Variants in PRR5 observed in about 807,000 individuals in gnomAD.
The protein encoded by PRR5 is proline-rich protein 5.
In PRR5, 25 loss-of-function variants were observed where a neutral mutation model predicts 30.6. The ratio of observed to expected loss-of-function variants is 0.82; its 90% confidence interval spans 0.60 to 1.14. The LOEUF (loss-of-function observed/expected upper bound fraction) is 1.14, where lower values mean the gene tolerates loss of function less well. Among genes scored for constraint, PRR5 ranks in the 50% most tolerant of loss-of-function variants. The pLI is 0.00. For synonymous variants in PRR5, 286 were observed against 247.1 expected (o/e 1.16, Z -1.48); for missense variants, 600 against 547.1 (o/e 1.10, Z -0.96).
chr22:44,686,098 C>A (rs977777370), intron 1 of PRR5, among the ~76,000 whole-genome samples: 1 of 152,058 alleles, frequency 6.6e-6, no homozygotes, highest in African/African-American at 2.4e-5. Flanking sequence ...ACTAAAAGTA[C>A]AAACATTAGC....
At chr22:44,679,605 G>A in intron 1 of PRR5, 1 of 495,624 alleles carries the variant, frequency 2.0e-6, no homozygotes, top group African/African-American at 1.9e-5. Context: ...TACTCGGGAG[G>A]CTGAGGGAGG....
At position 44,736,863 on chromosome 22, in the gene PRR5, C is replaced by T; in HGVS notation, c.783C>T (p.Asn261=). Residue 261 remains asparagine, a synonymous_variant, in exon 8 of 8, where the codon AAC becomes AAT. Coordinates refer to ENST00000336985, the MANE Select transcript of PRR5 (RefSeq NM_181333.4). ...AGAGCTACAACACGCCTCTGCTGAA[C>T]CCCGTGCAGGAGCACGAGGCGGAGG... The part of the protein sequence containing the change: ...RSKSYNTPLL[N]PVQEHEAEGA... The T allele has an allele frequency of 6.2e-7, 1 of 1,609,286 alleles. No homozygotes were observed. The highest frequency in any genetic ancestry group is 8.5e-7 in the Non-Finnish European group (1 of 1,177,830).
rs541441071 is a variant in PRR5, at chr22:44,715,296, A to C, written c.215+625A>C. On this transcript the variant is annotated intron_variant, in intron 2 of 7. Coordinates refer to ENST00000336985, the MANE Select transcript of PRR5 (RefSeq NM_181333.4). ...CCCAGATCACACAGCTGCTCCAAGG[A>C]GGCAGTTCCCAGCTCTGTGCTATTT... is the stretch of plus-strand genomic sequence containing the variant. Among the ~76,000 whole-genome samples the C allele has an allele frequency of 2.0e-4, 31 of 152,266 alleles. 1 individual carries two copies. In the South Asian group the frequency reaches 6.0e-3, roughly 30 times the overall value.
At chr22:44,734,268 C>CT (rs1196775288) in intron 6 of PRR5, 1 of 151,934 alleles carries the variant, frequency 6.6e-6, no homozygotes, top group Non-Finnish European at 1.5e-5. Context: ...GAAACTCTGT[C>CT]TCAAAAAAAA....
chr22:44,696,774 TCGCCCAGGC>T (rs1925791221), intron 1 of PRR5, among the ~76,000 whole-genome samples: 3 of 148,690 alleles, frequency 2.0e-5, no homozygotes, highest in African/African-American at 7.6e-5. Context: ...TCCTGCTCTG[TCGCCCAGGC>T]TAGAGTGCAG....
At chr22:44,735,675 T>G (rs129574) in intron 7 of PRR5, among the ~76,000 whole-genome samples, 132,051 of 152,144 alleles carry the variant, frequency 0.87, 57,603 homozygotes, top group African/African-American at 0.95. Context: ...TTGTGCCCCA[T>G]CCCGAGCCCA....
intron 1 of PRR5, among the ~76,000 whole-genome samples, chr22:44,671,607 G>C (rs532137348): frequency 6.6e-6 from 1 of 152,206 alleles, no homozygotes; most frequent in East Asian, 1.9e-4. Flanking sequence ...CCCAGAGTCA[G>C]GGCCACCTGC....
Position 44,736,768 on chromosome 22 carries a change from C to T in PRR5, c.692-4C>T. On this transcript the variant is annotated splice_polypyrimidine_tract_variant and splice_region_variant and intron_variant, in intron 7 of 7. Coordinates refer to ENST00000336985, the MANE Select transcript of PRR5 (RefSeq NM_181333.4). Reference sequence around the variant, plus strand: ...GGTGTGACAGTGCCCGTGTCTCTCCCCAGAAAAGCGCCTCCTCCGCCGCTC... The same window carrying T: ...GGTGTGACAGTGCCCGTGTCTCTCCTCAGAAAAGCGCCTCCTCCGCCGCTC... 6.5e-7 allele frequency: 1 copy of T among 1,535,532 alleles called. No homozygotes were observed. Among genetic ancestry groups the T allele is most frequent in the Admixed American group, 1.9e-5 (1 of 51,340 alleles).
intron 1 of PRR5, among the ~76,000 whole-genome samples, chr22:44,692,319 C>T (rs1221623882): frequency 6.9e-6 from 1 of 144,530 alleles, no homozygotes; most frequent in East Asian, 2.1e-4. Context: ...GCTCCTCCTC[C>T]CGGGGCTCCT....
At chr22:44,672,028 G>A (rs981416169) in intron 1 of PRR5, among the ~76,000 whole-genome samples, 6 of 152,216 alleles carry the variant, frequency 3.9e-5, no homozygotes, top group African/African-American at 9.6e-5. Context: ...TTGTAGTGTC[G>A]TGATCCTGTG....
chr22:44,721,925 C>A (rs1030726871), intron 2 of PRR5, among the ~76,000 whole-genome samples: 1 of 152,228 alleles, frequency 6.6e-6, no homozygotes, highest in Non-Finnish European at 1.5e-5. Context: ...CTGAAAGTGG[C>A]CCTGCAAGTA....
At chr22:44,721,883 C>T (rs1929992801) in intron 2 of PRR5, among the ~76,000 whole-genome samples, 1 of 152,250 alleles carries the variant, frequency 6.6e-6, no homozygotes, top group South Asian at 2.1e-4. Context: ...AAGACCCTCC[C>T]TTCTCACCTG....
upstream of PRR5, among the ~76,000 whole-genome samples, chr22:44,699,055 G>T (rs1926020346): frequency 2.6e-5 from 4 of 152,308 alleles, 1 homozygote; most frequent in African/African-American, 7.2e-5. Context: ...CACATCTGTG[G>T]CTGGGGCCAG....
rs889955416 is a variant in PRR5 at position 44,691,265 on chromosome 22, G to A, written c.-10-11227G>A. 6.6e-6 allele frequency among the ~76,000 whole-genome samples: 1 copy of A among 152,166 alleles called. No individual in the cohort carries two copies. The highest frequency in any genetic ancestry group is 1.5e-5 in the Non-Finnish European group (1 of 68,024). ...AATGGGGATTCTGAGGTTGGTCCTGGCCCTGCCCCTCACCAGCCTGTGACC... is the reference window on the plus strand; with the variant it reads ...AATGGGGATTCTGAGGTTGGTCCTGACCCTGCCCCTCACCAGCCTGTGACC... On this transcript the variant is annotated intron_variant, in intron 1 of 8. Transcript: ENST00000006251. The surrounding 1 kb of genome is among the most constrained non-coding windows in gnomAD (Gnocchi z 4.4).
chr22:44,696,487 G>A (rs146201807), intron 1 of PRR5, among the ~76,000 whole-genome samples: 133 of 152,284 alleles, frequency 8.7e-4, no homozygotes, highest in African/African-American at 3.1e-3. Flanking sequence ...CATGTGTGAC[G>A]TCTGGTGTAT....
At chr22:44,703,015 G>C (rs548928815) in intron 1 of PRR5, among the ~76,000 whole-genome samples, 48 of 152,320 alleles carry the variant, frequency 3.2e-4, no homozygotes, top group East Asian at 7.7e-4. Context: ...TCGGGGCTCA[G>C]TGGGTGGGTC....
chr22:44,715,339 G>A (rs1349711227), intron 2 of PRR5, among the ~76,000 whole-genome samples: 1 of 152,184 alleles, frequency 6.6e-6, no homozygotes, highest in Non-Finnish European at 1.5e-5. Context: ...CCCTGACCCT[G>A]TTACCTTGTC....
chr22:44,725,962 A>G (rs992742423), intron 3 of PRR5, among the ~76,000 whole-genome samples: 3 of 152,104 alleles, frequency 2.0e-5, no homozygotes, highest in Non-Finnish European at 2.9e-5. Context: ...ACCGCGCCCG[A>G]CCAATTCTGT....
chr22:44,702,461 C>A lies in PRR5; in HGVS notation c.-14C>A, dbSNP rs1210144399. 7.4e-7 allele frequency: 1 copy of A among 1,359,666 alleles called. No individual in the cohort carries two copies. Among genetic ancestry groups the A allele is most frequent in the Non-Finnish European group, 9.5e-7 (1 of 1,048,616 alleles). 84.2% of individuals were successfully genotyped at this position (1,359,666 alleles called of 1,614,324 possible). A position where few individuals can be genotyped will look rare whatever the true frequency, so the allele number is the denominator to read the frequency against. On this transcript the variant is annotated 5_prime_UTR_variant, in exon 1 of 8. Coordinates refer to ENST00000336985, the MANE Select transcript of PRR5 (RefSeq NM_181333.4). ...GGGGCGCGCGTGGGCGCGGCGCAGG[C>A]GGCCCGGGTCACCATGAGGACTCTC...
Sources: gnomAD v4.1 joint callset for allele counts (sites outside exome capture counted in the v4.1 genomes callset) on GRCh38, gnomAD v4.1.1 for gene constraint, Gnocchi (gnomAD v3.1) non-coding constraint, MANE v1.5 for transcripts, NCBI Gene and HGNC (gene_info 2026-07-23, HGNC 2026-07-21) for gene names.